Variants in NECTIN1 observed in about 807,000 individuals in gnomAD.
The protein encoded by NECTIN1 is nectin-1.
In NECTIN1, 23 loss-of-function variants were observed where a neutral mutation model predicts 48.0. The ratio of observed to expected loss-of-function variants is 0.48; its 90% CI spans 0.34 to 0.68. The LOEUF (loss-of-function observed/expected upper bound fraction) is 0.68, where lower values mean the gene tolerates loss of function less well. Among genes scored for constraint, NECTIN1 ranks in the 30% least tolerant of loss-of-function variants. The pLI is 0.01. For missense variants in NECTIN1, 591 were observed against 709.9 expected (o/e 0.83, Z 1.90); for synonymous variants, 270 against 288.9 (o/e 0.93, Z 0.66).
rs1865803055 is a variant in NECTIN1, at chr11:119,720,120, C to G, written c.79+8355G>C. Reference sequence around the variant, plus strand: ...TCACCCAAGGAGCAGTGTGGGCAGACTGGAGCAGCAGACTGAGGATGTGCC... The same window carrying G: ...TCACCCAAGGAGCAGTGTGGGCAGAGTGGAGCAGCAGACTGAGGATGTGCC... On this transcript the variant is annotated intron_variant, in intron 1 of 5. Coordinates refer to ENST00000264025, the MANE Select transcript of NECTIN1 (RefSeq NM_002855.5). Among the ~76,000 whole-genome samples the G allele has an allele frequency of 3.3e-5, 5 of 152,212 alleles. No individual in the cohort carries two copies. In the South Asian group the frequency reaches 1.0e-3, roughly 31 times the overall value.
At chr11:119,712,094 G>A (rs1438518328) in intron 1 of NECTIN1, among the ~76,000 whole-genome samples, 3 of 152,254 alleles carry the variant, frequency 2.0e-5, no homozygotes, top group Non-Finnish European at 2.9e-5. Flanking sequence ...TTGGGAAGAA[G>A]AGGACAAGGG....
downstream of NECTIN1, among the ~76,000 whole-genome samples, chr11:119,659,883 C>T (rs956240522): frequency 7.2e-5 from 11 of 152,342 alleles, no homozygotes; most frequent in Middle Eastern, 3.4e-3. Flanking sequence ...TTAACTTAAA[C>T]GGACAGCCTG....
chr11:119,696,771 C>T (rs572707188), intron 1 of NECTIN1, among the ~76,000 whole-genome samples: 3 of 152,336 alleles, frequency 2.0e-5, no homozygotes, highest in African/African-American at 7.2e-5. Context: ...TCCACCTCTC[C>T]TGGGTTACAG....
Position 119,662,730 on chromosome 11 carries a change from G to C in NECTIN1, c.*2017C>G, listed in dbSNP as rs757872674. On this transcript the variant is annotated 3_prime_UTR_variant, in exon 6 of 6. Coordinates refer to ENST00000264025, the MANE Select transcript of NECTIN1 (RefSeq NM_002855.5). The surrounding 1 kb of genome is among the most constrained non-coding windows in gnomAD (Gnocchi z 5.3). ...GTGGAAAAGGTCCCCTGTCCTGGGGGACACTAATACTGCTGGGAAAAGCAG... is the reference window on the plus strand; with the variant it reads ...GTGGAAAAGGTCCCCTGTCCTGGGGCACACTAATACTGCTGGGAAAAGCAG... 2.7e-5 allele frequency: 27 copies of C among 984,628 alleles called. No homozygotes were observed. The highest frequency in any genetic ancestry group is 3.3e-5 in the Non-Finnish European group (27 of 830,098). The allele number at this position is 984,628 out of a possible 1,614,324, so 61.0% of individuals were successfully genotyped here.
At position 119,664,967 on chromosome 11, in the gene NECTIN1, CCCTCCTCCTCCT is replaced by C. The variant is rs137909701; in HGVS notation, c.1322_1333del (p.Glu441_Glu444del). 3.1e-6 allele frequency: 5 copies of C among 1,610,508 alleles called. No individual in the cohort carries two copies. The highest frequency in any genetic ancestry group is 2.7e-5 in the African/African-American group (2 of 74,652). ...CACCTTGCGCTCGCCCCCTCCACCG[CCCTCCTCCTCCT>C]CCTCCTCCTCCTCATAGCTGCTTCC... On this transcript the variant is annotated inframe_deletion, in exon 6 of 6. Transcript: ENST00000264025.
At chr11:119,642,844 T>C (rs1273136401) in intron 5 of NECTIN1, 1 of 153,728 alleles carries the variant, frequency 6.5e-6, no homozygotes, top group Non-Finnish European at 1.5e-5. Flanking sequence ...TACTGCATTA[T>C]TTAGGAATAA....
downstream of NECTIN1, among the ~76,000 whole-genome samples, chr11:119,660,483 G>A (rs1864642509): frequency 6.6e-6 from 1 of 152,134 alleles, no homozygotes; most frequent in African/African-American, 2.4e-5. Context: ...AAGATGAAAG[G>A]ATAAAGCTCT....
At position 119,664,891 on chromosome 11, in the gene NECTIN1, G is replaced by A. The variant is rs759752941; in HGVS notation, c.1410C>T (p.Thr470=). 7 of 1,613,898 alleles carry A rather than the reference G, an allele frequency of 4.3e-6. No homozygotes were observed. Among genetic ancestry groups the A allele is most frequent in the South Asian group, 3.3e-5 (3 of 91,080 alleles). Residue 470 remains threonine (T), a synonymous_variant, in exon 6 of 6, where the codon ACC becomes ACT. Transcript: ENST00000264025. ...YDEDAKRPYF[T]VDEAEARQDG... ...CCTGACGGGCCTCGGCCTCATCCAC[G>A]GTGAAGTAGGGCCGCTTGGCGTCCT...
At position 119,643,962 on chromosome 11, in the gene NECTIN1, G is replaced by C. The variant is rs537414748; in HGVS notation, c.1004-3950C>G. Among the ~76,000 whole-genome samples the C allele has an allele frequency of 3.3e-4, 50 of 152,358 alleles. 1 individual carries two copies. In the South Asian group the frequency reaches 0.01, roughly 32 times the overall value. ...AAAGGGCAGAGCAGTCAAGTCAGCA[G>C]TCCAGGTCCCACAGCTAGGGCCGCC... is the stretch of plus-strand genomic sequence containing the variant. On this transcript the variant is annotated intron_variant, in intron 5 of 7. Coordinates refer to the NECTIN1 transcript ENST00000341398.
intron 1 of NECTIN1, among the ~76,000 whole-genome samples, chr11:119,707,509 A>G (rs1865569755): frequency 6.6e-6 from 1 of 151,694 alleles, no homozygotes; most frequent in Admixed American, 6.6e-5. Context: ...GCTGTCGAAC[A>G]GGGTGAACAA....
intron 1 of NECTIN1, among the ~76,000 whole-genome samples, chr11:119,719,837 C>T (rs908020188): frequency 6.6e-6 from 1 of 152,038 alleles, no homozygotes; most frequent in African/African-American, 2.4e-5. Context: ...ATGGATGAGG[C>T]GCTGGGGGAT....
At chr11:119,651,629 G>A (rs1201926339) in intron 5 of NECTIN1, among the ~76,000 whole-genome samples, 1 of 152,030 alleles carries the variant, frequency 6.6e-6, no homozygotes, top group Non-Finnish European at 1.5e-5. Flanking sequence ...CTCACAGTGA[G>A]GGATGAGACC....
intron 1 of NECTIN1, among the ~76,000 whole-genome samples, chr11:119,704,554 G>A (rs1341695222): frequency 1.3e-5 from 2 of 152,188 alleles, no homozygotes; most frequent in Non-Finnish European, 2.9e-5. Context: ...CCCAGAGCTG[G>A]AGGGAAGGGC....
chr11:119,681,759 C>T (rs764735119), intron 1 of NECTIN1, among the ~76,000 whole-genome samples: 17 of 152,214 alleles, frequency 1.1e-4, no homozygotes, highest in South Asian at 2.1e-4. Flanking sequence ...AAGTGAAGGA[C>T]GTTCCCAGCC....
chr11:119,644,167 C>T (rs940409180), intron 5 of NECTIN1, among the ~76,000 whole-genome samples: 7 of 152,346 alleles, frequency 4.6e-5, no homozygotes, highest in African/African-American at 1.7e-4. Context: ...TCACCTGTCA[C>T]ATGGTGACAG....
chr11:119,727,642 C>G lies in NECTIN1; in HGVS notation c.79+833G>C, dbSNP rs1287804310. Among the ~76,000 whole-genome samples, 1 of 152,232 alleles carries G rather than the reference C, an allele frequency of 6.6e-6. No individual in the cohort carries two copies. Among genetic ancestry groups the G allele is most frequent in the African/African-American group, 2.4e-5 (1 of 41,474 alleles). ...CTGGTCCCAGCCTCCGTCCCCACCC[C>G]ACCCGTCAGAATGGGCCACCAGGGC... On this transcript the variant is annotated intron_variant, in intron 1 of 5. Transcript: ENST00000264025. This position sits in a 1 kb window ranked among gnomAD's most constrained non-coding sequence, Gnocchi z 4.1.
chr11:119,705,888 A>C (rs985853342), intron 1 of NECTIN1, among the ~76,000 whole-genome samples: 1 of 151,910 alleles, frequency 6.6e-6, no homozygotes, highest in African/African-American at 2.4e-5. Flanking sequence ...CCTCCAGGTG[A>C]GACAGCTGGC....
Position 119,678,369 on chromosome 11 carries a change from G to A in NECTIN1, c.430+46C>T. On this transcript the variant is annotated intron_variant, in intron 2 of 5. Transcript: ENST00000264025. This position sits in a 1 kb window ranked among gnomAD's most constrained non-coding sequence, Gnocchi z 4.4. ...ATCCTGAGGATGGCCACGCCCCGAG[G>A]TCACAGGCCTCTGGATGAACAGGGA... The A allele has an allele frequency of 6.4e-7, 1 of 1,565,788 alleles. No homozygotes were observed. The highest frequency in any genetic ancestry group is 8.8e-7 in the Non-Finnish European group (1 of 1,136,818).
intron 1 of NECTIN1, among the ~76,000 whole-genome samples, chr11:119,685,511 C>T (rs914608995): frequency 6.6e-6 from 1 of 152,224 alleles, no homozygotes; most frequent in Non-Finnish European, 1.5e-5. Context: ...AGTCCCACCT[C>T]CCTCCAGCAG....
Sources: allele counts gnomAD v4.1 joint callset (sites outside exome capture counted in the v4.1 genomes callset), GRCh38; gene constraint gnomAD v4.1.1; non-coding constraint Gnocchi (gnomAD v3.1); transcripts MANE v1.5; gene names NCBI Gene and HGNC (gene_info 2026-07-23, HGNC 2026-07-21).